Variants in CASP1 observed in about 807,000 individuals in gnomAD.
CASP1 encodes caspase-1.
Under a neutral mutation model 41.2 loss-of-function variants are expected in CASP1, and 31 were observed. The observed-to-expected ratio is 0.75, with a 90% CI of 0.57 to 1.02. The LOEUF is 1.02. Among genes scored for constraint, CASP1 ranks in the 50% least tolerant of loss-of-function variants. CASP1 has a pLI of 0.00. For synonymous variants in CASP1, 163 were observed against 166.5 expected (o/e 0.98, Z 0.16); for missense variants, 490 against 495.7 (o/e 0.99, Z 0.11).
At position 105,026,226 on chromosome 11, in the gene CASP1, C is replaced by G. The variant is rs367576504; in HGVS notation, c.*32G>C. The G allele has an allele frequency of 4.3e-4, 591 of 1,385,938 alleles. No individual in the cohort carries two copies. The highest frequency in any genetic ancestry group is 5.5e-4 in the Non-Finnish European group (535 of 973,196). The allele number at this position is 1,385,938 out of a possible 1,614,324, so 85.9% of individuals were successfully genotyped here. On this transcript the variant is annotated 3_prime_UTR_variant, in exon 9 of 9. Coordinates refer to ENST00000533400, the MANE Select transcript of CASP1 (RefSeq NM_001257118.3). ...CACACTCCCGACCATACACATGTAC[C>G]TGCCCACAGACATTCATACAGTTTC...
chr11:105,035,315 T>A (rs1863958419), upstream of CASP1: 1 of 651,310 alleles, frequency 1.5e-6, no homozygotes, highest in African/African-American at 1.8e-5. Context: ...AGCCCTTGGA[T>A]AGATCAGGGT....
At chr11:105,032,816 A>C (rs1218187867) in intron 3 of CASP1, among the ~76,000 whole-genome samples, 2 of 152,216 alleles carry the variant, frequency 1.3e-5, no homozygotes, top group Admixed American at 6.5e-5. Context: ...CAGTAGGCTT[A>C]AATAATGAAG....
chr11:105,026,525 T>A (rs1188777642), intron 8 of CASP1, 169 bp from the exon 9 acceptor site: 1 of 606,566 alleles, frequency 1.6e-6, no homozygotes, highest in Non-Finnish European at 2.9e-6. Context: ...AAGCATTGAA[T>A]GACCCTCCTC....
chr11:105,027,806 T>G (rs957120339), intron 7 of CASP1, among the ~76,000 whole-genome samples: 5 of 152,098 alleles, frequency 3.3e-5, no homozygotes, highest in Non-Finnish European at 5.9e-5. Context: ...TTTGTGAAAT[T>G]AAGGAAGTAG....
At chr11:105,034,920 T>C (rs996115008) in intron 1 of CASP1, among the ~76,000 whole-genome samples, 187 bp downstream of exon 1, 1 of 152,224 alleles carries the variant, frequency 6.6e-6, no homozygotes, top group African/African-American at 2.4e-5. Context: ...AGTTCCTTTC[T>C]GGGCTTGCCT....
chr11:105,033,074 A>T lies in CASP1; in HGVS notation c.327T>A (p.Ser109=). The T allele has an allele frequency of 6.3e-7, 1 of 1,578,794 alleles. No individual in the cohort carries two copies. Among genetic ancestry groups the T allele is most frequent in the South Asian group, 1.1e-5 (1 of 89,910 alleles). The change falls in exon 3 of 9, where the codon TCT becomes TCA. Residue 109 remains serine (S), a synonymous_variant. Coordinates refer to ENST00000533400, the MANE Select transcript of CASP1 (RefSeq NM_001257118.3). ...TAAAAACAGCATTACCTGGAAAGGAAGAAAGTACTCCTTGAGAGTCTTGCA... is the reference window on the plus strand; with the variant it reads ...TAAAAACAGCATTACCTGGAAAGGATGAAAGTACTCCTTGAGAGTCTTGCA... ...LNMQDSQGVL[S]SFPAPQAVQD...
chr11:105,034,552 C>T (rs999726634), intron 1 of CASP1, 78 bp from the exon 2 acceptor site: 1 of 1,585,852 alleles, frequency 6.3e-7, no homozygotes, highest in African/African-American at 1.4e-5. Context: ...AAAGTGACCT[C>T]ATTTAGATTT....
At chr11:105,035,215 T>C, upstream of CASP1, 2 of 1,400,496 alleles carry the variant, frequency 1.4e-6, no homozygotes, top group Non-Finnish European at 1.0e-6. Flanking sequence ...TCACTGTGCA[T>C]GCATATGCAT....
chr11:105,026,409 C>A, intron 8 of CASP1, 53 bp from the exon 9 acceptor site: 2 of 1,177,814 alleles, frequency 1.7e-6, no homozygotes, highest in Non-Finnish European at 2.5e-6. Flanking sequence ...TTTTTTTTTT[C>A]AAGAATTTCT....
intron 7 of CASP1, among the ~76,000 whole-genome samples, chr11:105,027,483 G>T (rs957500081): frequency 6.6e-6 from 1 of 151,986 alleles, no homozygotes; most frequent in Non-Finnish European, 1.5e-5. Context: ...GAGGAAAAAA[G>T]TTCTTATGAA....
Position 105,029,917 on chromosome 11 carries a change from A to G in CASP1, c.628-18T>C, listed in dbSNP as rs752907821. ...GTCATGTCCTGAAAGACACCATATC[A>G]CTGATTTTCGACTATGTAATTAACT... On this transcript the variant is annotated intron_variant, in intron 5 of 8. Coordinates refer to ENST00000533400, the MANE Select transcript of CASP1 (RefSeq NM_001257118.3). The G allele has an allele frequency of 7.1e-6, 11 of 1,551,068 alleles. No homozygotes were observed. The highest frequency in any genetic ancestry group is 1.1e-5 in the South Asian group (1 of 89,898).
intron 8 of CASP1, chr11:105,026,564 A>G: frequency 6.7e-6 from 4 of 600,364 alleles, no homozygotes; most frequent in Non-Finnish European, 1.2e-5. Flanking sequence ...TGCTGGATCT[A>G]ATAGCCATGA....
In CASP1 at chr11:105,030,354, A is replaced by C. The variant is rs754542264; in HGVS notation, c.603T>G (p.Asp201Glu). ...MLLQNLGYSVDVKKNLTASDM... is the reference protein window; with the variant it reads ...MLLQNLGYSVEVKKNLTASDM... The stretch of plus-strand genomic sequence containing the variant: ...CCGAAGCAGTGAGATTTTTTTTCAC[A>C]TCTACGCTGTACCCCAGATTTTGTA... Residue 201 changes from aspartate to glutamate, a missense_variant, in exon 5 of 9, where the codon GAT becomes GAG. Transcript: ENST00000533400. 6.2e-7 allele frequency: 1 copy of C among 1,612,728 alleles called. No homozygotes were observed. The highest frequency in any genetic ancestry group is 2.2e-5 in the East Asian group (1 of 44,866).
chr11:105,034,482 G>T lies in CASP1; in HGVS notation c.8-8C>A. On this transcript the variant is annotated splice_polypyrimidine_tract_variant and splice_region_variant and intron_variant, in intron 1 of 8. Coordinates refer to ENST00000533400, the MANE Select transcript of CASP1 (RefSeq NM_001257118.3). Reference sequence around the variant, plus strand: ...TCTCCTTCAGGACCTTGTCTGTTTAGAGCACAAGGATTTCTCACATCATGA... The same window carrying T: ...TCTCCTTCAGGACCTTGTCTGTTTATAGCACAAGGATTTCTCACATCATGA... 6.2e-7 allele frequency: 1 copy of T among 1,613,438 alleles called. No individual in the cohort carries two copies. The highest frequency in any genetic ancestry group is 8.5e-7 in the Non-Finnish European group (1 of 1,179,514).
intron 1 of CASP1, 126 bp downstream of exon 1, chr11:105,034,981 C>G (rs1003017083): frequency 1.6e-6 from 2 of 1,222,628 alleles, no homozygotes; most frequent in Non-Finnish European, 2.4e-6. Flanking sequence ...TCCTCCCTCT[C>G]CCCCCTTTTC....
chr11:105,030,563 C>G, intron 4 of CASP1, 60 bp from the exon 5 acceptor site: 3 of 1,475,432 alleles, frequency 2.0e-6, no homozygotes, highest in Non-Finnish European at 2.8e-6. Context: ...ATTTCCCTTC[C>G]TGGTTTATGA....
chr11:105,033,355 A>G (rs545270881), intron 2 of CASP1, among the ~76,000 whole-genome samples: 15 of 152,356 alleles, frequency 9.8e-5, no homozygotes, highest in East Asian at 1.9e-4. Context: ...AAACAGAAAC[A>G]TCTGCAATGT....
intron 2 of CASP1, 147 bp downstream of exon 2, chr11:105,034,061 A>T: frequency 7.8e-7 from 1 of 1,287,676 alleles, no homozygotes; most frequent in Non-Finnish European, 1.1e-6. Flanking sequence ...GTCAAGGGAC[A>T]TGCAATAGGG....
intron 3 of CASP1, among the ~76,000 whole-genome samples, chr11:105,031,627 T>G (rs933049113): frequency 1.3e-5 from 2 of 152,172 alleles, no homozygotes; most frequent in Admixed American, 6.5e-5. Flanking sequence ...GAATATAAAC[T>G]TTTTTCAAAA....
Sources: allele counts gnomAD v4.1 joint callset (sites outside exome capture counted in the v4.1 genomes callset), GRCh38; gene constraint gnomAD v4.1.1; transcripts MANE v1.5; gene names NCBI Gene and HGNC (gene_info 2026-07-23, HGNC 2026-07-21).